Variants in ZFP41 observed in about 807,000 individuals in gnomAD.
The protein encoded by ZFP41 is zinc finger protein 41 homolog.
In ZFP41, 10 loss-of-function variants were observed where a neutral mutation model predicts 11.6. The ratio of observed to expected loss-of-function variants is 0.86; its 90% confidence interval spans 0.53 to 1.47. The LOEUF (loss-of-function observed/expected upper bound fraction) is 1.47. Ranked by LOEUF, ZFP41 falls within the 40% of genes most tolerant of loss-of-function variation. The pLI, the probability that ZFP41 is intolerant of heterozygous loss-of-function variation, is 0.00. For missense variants in ZFP41, 302 were observed against 264.6 expected (o/e 1.14, Z -0.98); for synonymous variants, 123 against 100.9 (o/e 1.22, Z -1.31).
chr8:143,250,218 G>C lies in ZFP41; in HGVS notation c.375G>C (p.Arg125=). ...FKCAQCGKAF[R]HSSDVTKHQR... ...GTGCGCAGTGCGGGAAGGCCTTCCG[G>C]CACAGCTCTGACGTCACCAAACACC... The change falls in exon 2 of 3, where the codon CGG becomes CGC. Residue 125 remains arginine (R), a synonymous_variant. Transcript: ENST00000330701. 1.2e-6 allele frequency: 2 copies of C among 1,613,992 alleles called. No individual in the cohort carries two copies. Among genetic ancestry groups the C allele is most frequent in the Non-Finnish European group, 1.7e-6 (2 of 1,180,020 alleles).
chr8:143,251,646 C>T (rs1814759731), intron 2 of ZFP41, among the ~76,000 whole-genome samples: 1 of 152,212 alleles, frequency 6.6e-6, no homozygotes, highest in South Asian at 2.1e-4. Context: ...TTGGCCTTGT[C>T]CATTGAGCAG....
chr8:143,256,038 C>T (rs1814904170), intron 2 of ZFP41, among the ~76,000 whole-genome samples: 3 of 63,930 alleles, frequency 4.7e-5, no homozygotes, highest in Non-Finnish European at 8.6e-5. Context: ...GGGCTCACCC[C>T]GCGTGCTGGT....
At position 143,250,319 on chromosome 8, in the gene ZFP41, T is replaced by C; in HGVS notation, c.476T>C (p.Leu159Pro). 6.2e-7 allele frequency: 1 copy of C among 1,613,966 alleles called. No homozygotes were observed. Among genetic ancestry groups the C allele is most frequent in the Non-Finnish European group, 8.5e-7 (1 of 1,180,024 alleles). The change falls in exon 2 of 3, where the codon CTG (leucine) becomes CCG (proline). Residue 159 changes from leucine to proline, a missense_variant. Leu to Pro is a moderately conservative substitution (Grantham distance 98). Transcript: ENST00000330701. Reference sequence around the variant, plus strand: ...GCCTTTAACTGCGGCTCCAATCTCCTGAAACATCAGAAGACGCACACCGGG... The same window carrying C: ...GCCTTTAACTGCGGCTCCAATCTCCCGAAACATCAGAAGACGCACACCGGG... ...GKAFNCGSNL[L>P]KHQKTHTGEK...
rs768170028 is a variant in ZFP41, at chr8:143,250,103, A to T, written c.260A>T (p.Tyr87Phe). 3 of 1,614,030 alleles carry T rather than the reference A, an allele frequency of 1.9e-6. No individual in the cohort carries two copies. The highest frequency in any genetic ancestry group is 1.3e-5 in the African/African-American group (1 of 74,920). Residue 87 changes from tyrosine to phenylalanine, a missense_variant, in exon 2 of 3, where the codon TAT becomes TTT. Physicochemically the swap from Tyr to Phe is conservative, Grantham distance 22. Coordinates refer to ENST00000330701, the MANE Select transcript of ZFP41 (RefSeq NM_173832.6). ...VFIPFQRKKP[Y>F]ECSECGRIFK... The stretch of plus-strand genomic sequence containing the variant: ...ATTCCTTTTCAGAGGAAGAAACCCT[A>T]TGAGTGCAGTGAGTGTGGGCGGATC...
chr8:143,251,648 A>G (rs183114776), intron 2 of ZFP41, among the ~76,000 whole-genome samples: 95 of 152,336 alleles, frequency 6.2e-4, no homozygotes, highest in African/African-American at 2.1e-3. Flanking sequence ...GGCCTTGTCC[A>G]TTGAGCAGTC....
At chr8:143,259,425 A>G (rs1240808642) in intron 2 of ZFP41, among the ~76,000 whole-genome samples, 1 of 152,206 alleles carries the variant, frequency 6.6e-6, no homozygotes, top group African/African-American at 2.4e-5. Flanking sequence ...ATGGAGGGTG[A>G]GTGAGCATTT....
rs999503213 is a variant in ZFP41 at position 143,250,473 on chromosome 8, T to A, written c.*33T>A. On this transcript the variant is annotated 3_prime_UTR_variant, in exon 2 of 3. Transcript: ENST00000330701. ...CCATCTGCGGACTCGGGCCCTGCGG[T>A]GCGAGCCTCGCCGGACACCTGCTCC... The A allele has an allele frequency of 6.3e-7, 1 of 1,589,896 alleles. No individual in the cohort carries two copies. The highest frequency in any genetic ancestry group is 8.6e-7 in the Non-Finnish European group (1 of 1,167,494).
chr8:143,259,521 CAGGG>C (rs1027719152), intron 2 of ZFP41, among the ~76,000 whole-genome samples: 3 of 152,282 alleles, frequency 2.0e-5, no homozygotes, highest in South Asian at 4.1e-4. Context: ...TTTTAGAAAA[CAGGG>C]AGCACTTCCT....
chr8:143,261,890 AGCACCTGCCACGCCCG>A lies in ZFP41; in HGVS notation c.*3017_*3032del, dbSNP rs1815050075. ...TGCACCTGCCACGCCCGTCTCCGGC[AGCACCTGCCACGCCCG>A]TCTCCGGCAGCACCTGCCACGCCCG... On this transcript the variant is annotated 3_prime_UTR_variant, in exon 3 of 3. Transcript: ENST00000330701. 4.9e-5 allele frequency: 1 copy of A among 20,290 alleles called. No homozygotes were observed. The highest frequency in any genetic ancestry group is 8.2e-5 in the Non-Finnish European group (1 of 12,246). The allele number at this position is 20,290 out of a possible 1,614,324, so 1.3% of individuals were successfully genotyped here. A position where few individuals can be genotyped will look rare whatever the true frequency, so the allele number is the denominator to read the frequency against.
At position 143,250,236 on chromosome 8, in the gene ZFP41, C is replaced by T. The variant is rs1172664852; in HGVS notation, c.393C>T (p.Thr131=). ...CCTTCCGGCACAGCTCTGACGTCAC[C>T]AAACACCAGAGGACTCACACGGGAG... ...GKAFRHSSDV[T]KHQRTHTGEK... Residue 131 remains threonine, a synonymous_variant, in exon 2 of 3, where the codon ACC becomes ACT. Transcript: ENST00000330701. The T allele has an allele frequency of 3.7e-6, 6 of 1,614,010 alleles. No homozygotes were observed. The East Asian group carries it at 8.9e-5, about 24-fold the overall frequency.
At position 143,250,036 on chromosome 8, in the gene ZFP41, G is replaced by A. The variant is rs79302341; in HGVS notation, c.193G>A (p.Asp65Asn). ...CGAAGAGCACGTCTTTGATGCCTTC[G>A]ACGCTTCATTTAAAGATGACTTTGA... is the stretch of plus-strand genomic sequence containing the variant. ...EDEEHVFDAF[D>N]ASFKDDFEGV... is the part of the protein sequence containing the mutation. Residue 65 changes from aspartate to asparagine, a missense_variant, in exon 2 of 3, where the codon GAC (aspartate) becomes AAC (asparagine). Transcript: ENST00000330701. 7 of 1,613,994 alleles carry A rather than the reference G, an allele frequency of 4.3e-6. No individual in the cohort carries two copies. The highest frequency in any genetic ancestry group is 1.6e-4 in the Middle Eastern group (1 of 6,084).
rs759190368 is a variant in ZFP41, at chr8:143,249,945, A to C, written c.102A>C (p.Arg34Ser). The change falls in exon 2 of 3, where the codon AGA becomes AGC. Residue 34 changes from arginine (R) to serine (S), a missense_variant. Transcript: ENST00000330701. ...ALREEKVSGD[R>S]KPPERPTVPR... Reference sequence around the variant, plus strand: ...GAGAGGAGAAGGTGTCCGGGGACAGAAAGCCACCTGAGAGGCCCACTGTGC... The same window carrying C: ...GAGAGGAGAAGGTGTCCGGGGACAGCAAGCCACCTGAGAGGCCCACTGTGC... 6.2e-7 allele frequency: 1 copy of C among 1,614,072 alleles called. No individual in the cohort carries two copies. The highest frequency in any genetic ancestry group is 1.1e-5 in the South Asian group (1 of 91,086).
chr8:143,249,422 G>A (rs1816751414), intron 1 of ZFP41: 1 of 164,550 alleles, frequency 6.1e-6, no homozygotes, highest in South Asian at 1.6e-4. Flanking sequence ...GAAGCCGCAG[G>A]GCAGTTGGTG....
intron 2 of ZFP41, among the ~76,000 whole-genome samples, chr8:143,257,406 A>C (rs559605377): frequency 6.6e-6 from 1 of 152,338 alleles, no homozygotes; most frequent in East Asian, 1.9e-4. Context: ...CTGAGGCAGG[A>C]GAATTGCTTG....
At chr8:143,255,081 C>T (rs538189288) in intron 2 of ZFP41, among the ~76,000 whole-genome samples, 2 of 152,332 alleles carry the variant, frequency 1.3e-5, no homozygotes, top group Non-Finnish European at 2.9e-5. Context: ...TGCAGCAGCG[C>T]ATGGCTGGCA....
intron 2 of ZFP41, among the ~76,000 whole-genome samples, chr8:143,255,337 G>A (rs544536644): frequency 5.3e-5 from 8 of 152,360 alleles, no homozygotes; most frequent in Non-Finnish European, 7.3e-5. Flanking sequence ...ACCGTAATAC[G>A]TGACGTCGTA....
chr8:143,254,625 C>T (rs1043842700), intron 2 of ZFP41, among the ~76,000 whole-genome samples: 4 of 140,222 alleles, frequency 2.9e-5, no homozygotes, highest in Admixed American at 2.4e-4. Flanking sequence ...CAATAGGGAG[C>T]GTTACTTTTT....
Position 143,261,754 on chromosome 8 carries a change from C to CA in ZFP41, c.*2880_*2881insA. The CA allele has an allele frequency of 5.1e-6, 1 of 195,296 alleles. No individual in the cohort carries two copies. 12.1% of individuals were successfully genotyped at this position (195,296 alleles called of 1,614,324 possible). A position where few individuals can be genotyped will look rare whatever the true frequency, so the allele number is the denominator to read the frequency against. ...GGACACGCCTCTGAGCCGGCAGCCC[C>CA]TACCCGCACCCGTGCACCTTCCACG... On this transcript the variant is annotated 3_prime_UTR_variant, in exon 3 of 3. Coordinates refer to ENST00000330701, the MANE Select transcript of ZFP41 (RefSeq NM_173832.6).
In ZFP41 at chr8:143,250,515, C is replaced by T; in HGVS notation, c.*75C>T. On this transcript the variant is annotated 3_prime_UTR_variant, in exon 2 of 3. Coordinates refer to ENST00000330701, the MANE Select transcript of ZFP41 (RefSeq NM_173832.6). Reference sequence around the variant, plus strand: ...ACCTGCTCCGTGGCTCCCTCGTGTCCCGCGTCTGATGGGGGCGCAGGGCCG... The same window carrying T: ...ACCTGCTCCGTGGCTCCCTCGTGTCTCGCGTCTGATGGGGGCGCAGGGCCG... 1 of 1,551,508 alleles carries T rather than the reference C, an allele frequency of 6.4e-7. No homozygotes were observed. The highest frequency in any genetic ancestry group is 8.7e-7 in the Non-Finnish European group (1 of 1,149,200).
Sources: allele counts gnomAD v4.1 joint callset (sites outside exome capture counted in the v4.1 genomes callset), GRCh38; gene constraint gnomAD v4.1.1; transcripts MANE v1.5; gene names NCBI Gene and HGNC (gene_info 2026-07-23, HGNC 2026-07-21).